The following OSBPL10 variants were observed in gnomAD, a reference collection of about 807,000 sequenced individuals.
OSBPL10 encodes oxysterol binding protein like 10.
OSBPL10 carries 49 observed loss-of-function variants against 81.7 expected under a neutral mutation model. The observed-to-expected ratio is 0.60, with a 90% confidence interval of 0.48 to 0.76. The LOEUF is 0.76. Ranked by LOEUF, OSBPL10 falls within the 30% of genes least tolerant of loss-of-function variation. The pLI is 0.00. For synonymous variants in OSBPL10, 419 were observed against 383.6 expected, an observed-to-expected ratio of 1.09 and a Z score of -1.08; for missense variants, 923 against 987.8, an observed-to-expected ratio of 0.93 and a Z score of 0.88.
intron 4 of OSBPL10, among the ~76,000 whole-genome samples, chr3:31,764,513 A>G (rs567159087): frequency 6.6e-6 from 1 of 152,340 alleles, no homozygotes; most frequent in Non-Finnish European, 1.5e-5. Context: ...ATAAAGAAAG[A>G]GGAACGAAGG....
chr3:31,904,859 T>C (rs972540409), intron 1 of OSBPL10, among the ~76,000 whole-genome samples: 6 of 152,206 alleles, frequency 3.9e-5, no homozygotes, highest in Non-Finnish European at 2.9e-5. Context: ...AGGTGGAACT[T>C]TCCCAACTTT....
At chr3:32,047,788 G>A (rs907465812) in intron 1 of OSBPL10, among the ~76,000 whole-genome samples, 11 of 151,364 alleles carry the variant, frequency 7.3e-5, no homozygotes, top group African/African-American at 1.9e-4. Context: ...TCAGCCTCCC[G>A]AGTAGCTGGG....
intron 1 of OSBPL10, among the ~76,000 whole-genome samples, chr3:31,882,122 C>G (rs1405363468): frequency 6.6e-6 from 1 of 152,218 alleles, no homozygotes; most frequent in African/African-American, 2.4e-5. Flanking sequence ...CTACTTATGG[C>G]CCCGGCAAGG....
intron 3 of OSBPL10, among the ~76,000 whole-genome samples, chr3:31,845,580 T>C (rs559441209): frequency 9.2e-5 from 14 of 152,284 alleles, no homozygotes; most frequent in Non-Finnish European, 1.5e-4. Flanking sequence ...CCTGATAACA[T>C]TGACTGTTTA....
Position 31,753,265 on chromosome 3 carries a change from G to A in OSBPL10, c.730-5145C>T, listed in dbSNP as rs542475625. Among the ~76,000 whole-genome samples, 4 of 148,998 alleles carry A rather than the reference G, an allele frequency of 2.7e-5. No homozygotes were observed. In the South Asian group the frequency reaches 6.4e-4, roughly 24 times the overall value. ...TACAATAGCTTGACCTCAGCTCACC[G>A]CAACTTCCGCCTCGCCTCCTGGGTT... is the stretch of plus-strand genomic sequence containing the variant. On this transcript the variant is annotated intron_variant, in intron 4 of 11. Coordinates refer to ENST00000396556, the MANE Select transcript of OSBPL10 (RefSeq NM_017784.5).
chr3:31,733,339 A>C lies in OSBPL10; in HGVS notation c.1013T>G (p.Leu338Trp). 6.2e-7 allele frequency: 1 copy of C among 1,613,642 alleles called. No individual in the cohort carries two copies. Among genetic ancestry groups the C allele is most frequent in the Non-Finnish European group, 8.5e-7 (1 of 1,179,924 alleles). ...EQLKNGTLGS[L>W]PSASANITWA... ...GGTTATGTTGGCACTGGCTGATGGCAAAGAGCCAAGTGTCCCATTTTTCAG... is the reference window on the plus strand; with the variant it reads ...GGTTATGTTGGCACTGGCTGATGGCCAAGAGCCAAGTGTCCCATTTTTCAG... Residue 338 changes from leucine (L) to tryptophan (W), a missense_variant, in exon 6 of 12, where the codon TTG (leucine) becomes TGG (tryptophan). Leu to Trp is a moderately conservative substitution (Grantham distance 61). Transcript: ENST00000396556.
chr3:31,664,005 C>T, intron 11 of OSBPL10, 74 bp downstream of exon 11: 1 of 1,613,772 alleles, frequency 6.2e-7, no homozygotes, highest in Non-Finnish European at 8.5e-7. Flanking sequence ...GGGGGCTCAG[C>T]AAGAAAAACC....
chr3:31,791,602 C>G (rs1699011922), intron 4 of OSBPL10, among the ~76,000 whole-genome samples: 4 of 151,964 alleles, frequency 2.6e-5, no homozygotes, highest in Non-Finnish European at 4.4e-5. Flanking sequence ...TGAGTTCTTA[C>G]TGGCTCATGT....
chr3:31,976,985 C>G (rs531111658), intron 1 of OSBPL10, among the ~76,000 whole-genome samples: 1 of 152,236 alleles, frequency 6.6e-6, no homozygotes, highest in South Asian at 2.1e-4. Flanking sequence ...TTATGAGCAA[C>G]TCCAAAATAG....
chr3:31,668,530 A>G, intron 10 of OSBPL10, 112 bp downstream of exon 10: 1 of 988,090 alleles, frequency 1.0e-6, no homozygotes, highest in South Asian at 2.6e-5. Flanking sequence ...GTAGAACATG[A>G]TTCCTGGCCT....
chr3:31,725,001 C>A (rs1249864109), intron 6 of OSBPL10, among the ~76,000 whole-genome samples: 1 of 152,194 alleles, frequency 6.6e-6, no homozygotes, highest in Non-Finnish European at 1.5e-5. Flanking sequence ...GCACCAGGAC[C>A]TACACAGTCT....
At chr3:31,850,199 T>TCACA (rs1049920038) in intron 3 of OSBPL10, among the ~76,000 whole-genome samples, 1 of 151,822 alleles carries the variant, frequency 6.6e-6, no homozygotes, top group Non-Finnish European at 1.5e-5. Flanking sequence ...CTGGATATGG[T>TCACA]CACACACACC....
At chr3:31,875,098 AAAAG>A in intron 3 of OSBPL10, among the ~76,000 whole-genome samples, 1 of 151,484 alleles carries the variant, frequency 6.6e-6, no homozygotes, top group African/African-American at 2.4e-5. Context: ...AAAAAAAAAA[AAAAG>A]GAGAAAACAG....
intron 8 of OSBPL10, among the ~76,000 whole-genome samples, chr3:31,671,588 T>C (rs557510987): frequency 1.3e-5 from 2 of 152,200 alleles, no homozygotes; most frequent in African/African-American, 4.8e-5. Context: ...CTCATGAAAA[T>C]AGAGAAATCA....
intron 2 of OSBPL10, among the ~76,000 whole-genome samples, chr3:32,013,955 A>G (rs1699288830): frequency 6.6e-6 from 1 of 152,236 alleles, no homozygotes; most frequent in African/African-American, 2.4e-5. Flanking sequence ...AATAATTAAT[A>G]GCTTAGCAAC....
At chr3:31,912,154 G>C (rs749073298) in intron 1 of OSBPL10, among the ~76,000 whole-genome samples, 1 of 152,132 alleles carries the variant, frequency 6.6e-6, no homozygotes, top group African/African-American at 2.4e-5. Context: ...CCAGAACTTT[G>C]GGGGGCCGAG....
chr3:31,904,579 A>G (rs1456630328), intron 1 of OSBPL10, among the ~76,000 whole-genome samples: 1 of 152,174 alleles, frequency 6.6e-6, no homozygotes, highest in Non-Finnish European at 1.5e-5. Flanking sequence ...TCCACACAAC[A>G]TGATCCAGCG....
Position 31,702,254 on chromosome 3 carries a change from C to A in OSBPL10, c.1245+105G>T, listed in dbSNP as rs114672456. The A allele has an allele frequency of 1.3e-5, 18 of 1,365,052 alleles. No individual in the cohort carries two copies. In the African/African-American group the frequency reaches 2.5e-4, roughly 19 times the overall value. 84.6% of individuals were successfully genotyped at this position (1,365,052 alleles called of 1,614,324 possible). On this transcript the variant is annotated intron_variant, in intron 7 of 11. Transcript: ENST00000396556. ...AATGCTGGCCTTTTTCCCCACTCTT[C>A]TTCTCCAATCTCACCACAACGAAAA...
At chr3:31,798,807 G>C (rs775564612) in intron 4 of OSBPL10, among the ~76,000 whole-genome samples, 3 of 152,156 alleles carry the variant, frequency 2.0e-5, no homozygotes, top group Non-Finnish European at 4.4e-5. Context: ...CAAAGAGCTT[G>C]TATCTGAATT....
Sources: allele counts gnomAD v4.1 joint callset (sites outside exome capture counted in the v4.1 genomes callset), GRCh38; gene constraint gnomAD v4.1.1; transcripts MANE v1.5; gene names NCBI Gene and HGNC (gene_info 2026-07-23, HGNC 2026-07-21).